The following SNX6 variants were observed in gnomAD, a reference collection of about 807,000 sequenced individuals.
SNX6 encodes sorting nexin 6.
SNX6 carries 34 observed loss-of-function variants against 63.0 expected under a neutral mutation model. That is an observed-to-expected ratio of 0.54 (90% CI 0.41 to 0.72). The LOEUF (loss-of-function observed/expected upper bound fraction) is 0.72. Among genes scored for constraint, SNX6 ranks in the 30% least tolerant of loss-of-function variants. The probability of loss-of-function intolerance (pLI) is 0.00; values close to 1 mark genes in which losing one functional copy is unlikely to be tolerated. For synonymous variants in SNX6, 170 were observed against 164.2 expected (o/e 1.04, Z -0.27); for missense variants, 398 against 471.4 (o/e 0.84, Z 1.44).
At chr14:34,568,573 G>C in intron 11 of SNX6, 1 of 576,758 alleles carries the variant, frequency 1.7e-6, no homozygotes, top group Non-Finnish European at 3.1e-6. Flanking sequence ...TGGCCTCAAA[G>C]TGATCCCCCT....
At chr14:34,618,169 C>T (rs1883494396) in intron 2 of SNX6, among the ~76,000 whole-genome samples, 2 of 152,140 alleles carry the variant, frequency 1.3e-5, no homozygotes, top group African/African-American at 2.4e-5. Context: ...TAAATTTATT[C>T]CCTACAGGGC....
intron 9 of SNX6, among the ~76,000 whole-genome samples, chr14:34,582,959 C>CA (rs1201039290): frequency 2.0e-5 from 3 of 151,854 alleles, no homozygotes; most frequent in Non-Finnish European, 4.4e-5. Context: ...ACTAAAAATA[C>CA]AAAAAATTAG....
chr14:34,586,266 T>C lies in SNX6; in HGVS notation c.758A>G (p.Tyr253Cys), dbSNP rs372825795. 4.4e-6 allele frequency: 7 copies of C among 1,607,486 alleles called. No individual in the cohort carries two copies. Among genetic ancestry groups the C allele is most frequent in the Admixed American group, 3.3e-5 (2 of 59,856 alleles). The change falls in exon 9 of 14, where the codon TAT becomes TGT. Residue 253 changes from tyrosine (Y) to cysteine (C), a missense_variant. Tyr to Cys is a radical substitution (Grantham distance 194). Coordinates refer to ENST00000362031, the MANE Select transcript of SNX6 (RefSeq NM_152233.4). Reference protein sequence around the residue: ...DDYNRIGSSLYALGTQDSTDI... With the variant: ...DDYNRIGSSLCALGTQDSTDI... ...TGTAGAATCCTGAGTTCCTAAAGCA[T>C]ATAATGAAGAACCAATTCTATTGTA... is the stretch of plus-strand genomic sequence containing the variant.
chr14:34,611,748 CAAAAA>C (rs1171892665), intron 2 of SNX6, among the ~76,000 whole-genome samples: 2 of 107,160 alleles, frequency 1.9e-5, no homozygotes, highest in East Asian at 2.9e-4. Context: ...GACACTGTCT[CAAAAA>C]AAAAAAAAAA....
chr14:34,623,335 T>C (rs904859511), intron 2 of SNX6, among the ~76,000 whole-genome samples: 1 of 151,602 alleles, frequency 6.6e-6, no homozygotes, highest in Non-Finnish European at 1.5e-5. Flanking sequence ...ACTTGGGCAA[T>C]GGGGAGTAGA....
chr14:34,595,438 CA>C (rs1469911081), intron 7 of SNX6, among the ~76,000 whole-genome samples: 3 of 152,120 alleles, frequency 2.0e-5, no homozygotes, highest in Admixed American at 6.6e-5. Context: ...TGCCCGGCCA[CA>C]GTTTTCTTAA....
intron 8 of SNX6, among the ~76,000 whole-genome samples, chr14:34,587,008 C>CAAA (rs71121211): frequency 0.014 from 703 of 49,784 alleles, no homozygotes; most frequent in Non-Finnish European, 0.015. Flanking sequence ...GACTCTGTCT[C>CAAA]AAAAAAAAAA....
At chr14:34,576,561 G>T (rs1378619113) in intron 10 of SNX6, among the ~76,000 whole-genome samples, 1 of 151,492 alleles carries the variant, frequency 6.6e-6, no homozygotes, top group Non-Finnish European at 1.5e-5. Flanking sequence ...CAATTCTCCT[G>T]CCGCAGCCTC....
At chr14:34,628,375 C>T (rs903544115) in intron 2 of SNX6, among the ~76,000 whole-genome samples, 5 of 152,188 alleles carry the variant, frequency 3.3e-5, no homozygotes, top group Admixed American at 6.6e-5. Flanking sequence ...AGGAGAATGG[C>T]GTGAACCCGG....
Position 34,630,122 on chromosome 14 carries a change from C to G in SNX6, c.-6G>C. On this transcript the variant is annotated 5_prime_UTR_variant, in exon 1 of 14. Coordinates refer to ENST00000362031, the MANE Select transcript of SNX6 (RefSeq NM_152233.4). The stretch of plus-strand genomic sequence containing the variant: ...CGGAGAACACCCACCATCATGGCTG[C>G]TCCGAGGCGAGGGCCGGCGCAGGCG... The G allele has an allele frequency of 2.2e-6, 3 of 1,354,646 alleles. No individual in the cohort carries two copies. The highest frequency in any genetic ancestry group is 2.8e-6 in the Non-Finnish European group (3 of 1,059,708). The allele number at this position is 1,354,646 out of a possible 1,614,324, so 83.9% of individuals were successfully genotyped here. A position where few individuals can be genotyped will look rare whatever the true frequency, so the allele number is the denominator to read the frequency against.
intron 7 of SNX6, among the ~76,000 whole-genome samples, chr14:34,594,551 G>C (rs1202010340): frequency 1.3e-5 from 2 of 151,830 alleles, no homozygotes; most frequent in African/African-American, 4.8e-5. Flanking sequence ...ACAGGGTTTT[G>C]TCATGTTGTC....
chr14:34,605,552 C>T lies in SNX6; in HGVS notation c.392+44G>A, dbSNP rs1191723891. The T allele has an allele frequency of 5.5e-6, 8 of 1,448,406 alleles. No individual in the cohort carries two copies. In the East Asian group the frequency reaches 2.0e-4, roughly 36 times the overall value. The allele number at this position is 1,448,406 out of a possible 1,614,324, so 89.7% of individuals were successfully genotyped here. A position where few individuals can be genotyped will look rare whatever the true frequency, so the allele number is the denominator to read the frequency against. ...AAGCAAGCACAATTAACAAAGGCAA[C>T]AACAACCAAAAAAAAAAAACAAAAA... On this transcript the variant is annotated intron_variant, in intron 5 of 13. Coordinates refer to ENST00000362031, the MANE Select transcript of SNX6 (RefSeq NM_152233.4).
At chr14:34,603,644 C>T (rs1323763378) in intron 5 of SNX6, among the ~76,000 whole-genome samples, 173 bp from the exon 6 acceptor site, 1 of 151,974 alleles carries the variant, frequency 6.6e-6, no homozygotes, top group Non-Finnish European at 1.5e-5. Flanking sequence ...ATACATAAAA[C>T]CCAGCTTTGA....
At chr14:34,584,312 GT>G (rs1415865096) in intron 9 of SNX6, among the ~76,000 whole-genome samples, 2 of 151,822 alleles carry the variant, frequency 1.3e-5, no homozygotes, top group Admixed American at 6.6e-5. Context: ...TTAATTTTTA[GT>G]TTTTTTGAAA....
intron 9 of SNX6, among the ~76,000 whole-genome samples, chr14:34,582,521 C>G (rs755922943): frequency 8.6e-5 from 13 of 151,814 alleles, no homozygotes; most frequent in Non-Finnish European, 4.4e-5. Flanking sequence ...TTCAAGATGA[C>G]AGCCTAAGCC....
chr14:34,596,889 C>T (rs550711180), intron 7 of SNX6, among the ~76,000 whole-genome samples: 65 of 152,054 alleles, frequency 4.3e-4, no homozygotes, highest in African/African-American at 1.4e-3. Flanking sequence ...AGGTTGGTCT[C>T]GAAAACTCCT....
At chr14:34,568,745 G>C (rs1881306175) in intron 11 of SNX6, 1 of 877,138 alleles carries the variant, frequency 1.1e-6, no homozygotes. Context: ...AGATCTCTCT[G>C]TCCCTGACGT....
intron 11 of SNX6, among the ~76,000 whole-genome samples, chr14:34,569,704 T>C (rs1444820893): frequency 6.6e-6 from 1 of 152,220 alleles, no homozygotes; most frequent in Non-Finnish European, 1.5e-5. Flanking sequence ...TTCAAGTTCA[T>C]CTATGTTGTA....
intron 6 of SNX6, among the ~76,000 whole-genome samples, chr14:34,601,796 T>C (rs1882826402): frequency 6.6e-6 from 1 of 151,148 alleles, no homozygotes; most frequent in South Asian, 2.1e-4. Context: ...GGTTTCACCA[T>C]GTTGGCCAGG....
Sources: gnomAD v4.1 joint callset for allele counts (sites outside exome capture counted in the v4.1 genomes callset) on GRCh38, gnomAD v4.1.1 for gene constraint, MANE v1.5 for transcripts, NCBI Gene and HGNC (gene_info 2026-07-23, HGNC 2026-07-21) for gene names.